TNS1: variants seen among roughly 807,000 people sequenced by gnomAD.
The protein encoded by TNS1 is tensin-1.
TNS1 carries 62 observed loss-of-function variants against 168.6 expected under a neutral mutation model. That is an observed-to-expected ratio of 0.37 (90% CI 0.30 to 0.45). The LOEUF is 0.45. Ranked by LOEUF, TNS1 falls within the 20% of genes least tolerant of loss-of-function variation. TNS1 has a pLI of 1.00. For missense variants in TNS1, 2,240 were observed against 2,339.4 expected (o/e 0.96, Z 0.88); for synonymous variants, 934 against 933.2 (o/e 1.00, Z -0.02).
intron 1 of TNS1, among the ~76,000 whole-genome samples, chr2:217,992,213 G>A (rs933005698): frequency 6.6e-6 from 1 of 152,126 alleles, no homozygotes; most frequent in Non-Finnish European, 1.5e-5. Context: ...TCCCTTCCCA[G>A]CTGTAGCAGG....
chr2:218,015,094 C>T (rs1382166509), upstream of TNS1, among the ~76,000 whole-genome samples: 1 of 152,178 alleles, frequency 6.6e-6, no homozygotes, highest in Non-Finnish European at 1.5e-5. Flanking sequence ...CACACACCCC[C>T]TGGTGAGAGC....
At chr2:217,869,952 C>T (rs1949631428) in intron 18 of TNS1, among the ~76,000 whole-genome samples, 1 of 152,194 alleles carries the variant, frequency 6.6e-6, no homozygotes, top group African/African-American at 2.4e-5. Context: ...CCTCCACCAC[C>T]TCCAACATCC....
chr2:218,001,447 A>G (rs1303253550), intron 1 of TNS1, among the ~76,000 whole-genome samples: 2 of 152,148 alleles, frequency 1.3e-5, no homozygotes, highest in Non-Finnish European at 2.9e-5. Flanking sequence ...CTCTCCAGTC[A>G]CAGCAGCTCG....
chr2:217,879,348 C>T (rs1950478570), intron 18 of TNS1: 1 of 411,746 alleles, frequency 2.4e-6, no homozygotes, highest in African/African-American at 2.1e-5. Context: ...AGCACAACGA[C>T]CAATTAGGCT....
chr2:217,915,768 G>A (rs1417829962), intron 4 of TNS1, among the ~76,000 whole-genome samples: 1 of 152,222 alleles, frequency 6.6e-6, no homozygotes, highest in Non-Finnish European at 1.5e-5. Flanking sequence ...GCCACTGCGA[G>A]CTGTGTGACC....
intron 32 of TNS1, 89 bp downstream of exon 32, chr2:217,807,986 C>A: frequency 6.7e-7 from 1 of 1,502,210 alleles, no homozygotes; most frequent in Non-Finnish European, 9.2e-7. Context: ...TCCCTACCCC[C>A]AGCCCTGGTT....
At chr2:217,833,692 G>T (rs1944780611) in intron 21 of TNS1, among the ~76,000 whole-genome samples, 1 of 152,248 alleles carries the variant, frequency 6.6e-6, no homozygotes, top group Non-Finnish European at 1.5e-5. Context: ...CAGCACAGCA[G>T]TCACGAGCCA....
chr2:217,805,274 A>T (rs1376202043), intron 32 of TNS1, among the ~76,000 whole-genome samples: 1 of 151,094 alleles, frequency 6.6e-6, no homozygotes, highest in Non-Finnish European at 1.5e-5. Context: ...GTCCCCTCCC[A>T]GCCAGCATGT....
chr2:217,890,657 C>T (rs902798850), intron 12 of TNS1: 2 of 439,336 alleles, frequency 4.6e-6, no homozygotes, highest in Non-Finnish European at 8.4e-6. Context: ...AAGAACAGCA[C>T]ATGCCTTCCT....
chr2:218,027,495 A>G (rs1464029732), intron 1 of TNS1, among the ~76,000 whole-genome samples: 1 of 151,926 alleles, frequency 6.6e-6, no homozygotes, highest in African/African-American at 2.4e-5. Context: ...TCCTGCTGAA[A>G]CTTTTAAGAA....
At chr2:218,021,237 G>A (rs1202989426) in intron 1 of TNS1, among the ~76,000 whole-genome samples, 11 of 152,184 alleles carry the variant, frequency 7.2e-5, no homozygotes, top group Admixed American at 7.2e-4. Context: ...GACCAGAGGG[G>A]AAACGGAGGC....
chr2:218,012,832 T>C (rs1432276031), upstream of TNS1, among the ~76,000 whole-genome samples: 3 of 152,198 alleles, frequency 2.0e-5, no homozygotes, highest in Non-Finnish European at 2.9e-5. Context: ...CAGGACCCCC[T>C]TTGCTTCTTC....
At chr2:217,873,035 G>T (rs778872767) in intron 18 of TNS1, among the ~76,000 whole-genome samples, 1 of 152,228 alleles carries the variant, frequency 6.6e-6, no homozygotes. Flanking sequence ...GGTGGCAGAA[G>T]TGGGAGTGGC....
chr2:217,907,761 C>T lies in TNS1; in HGVS notation c.229-510G>A, dbSNP rs532653630. 3.3e-5 allele frequency among the ~76,000 whole-genome samples: 5 copies of T among 152,334 alleles called. No homozygotes were observed. In the South Asian group the frequency reaches 1.0e-3, roughly 32 times the overall value. On this transcript the variant is annotated intron_variant, in intron 4 of 32. Transcript: ENST00000682258. Reference sequence around the variant, plus strand: ...ATAGTGCAGCCAGCCAGTCTCATTACTTCAGTGGGCTTTCAGGCCACCCAC... The same window carrying T: ...ATAGTGCAGCCAGCCAGTCTCATTATTTCAGTGGGCTTTCAGGCCACCCAC...
intron 3 of TNS1, among the ~76,000 whole-genome samples, chr2:217,936,598 C>A (rs1363996541): frequency 6.6e-6 from 1 of 152,136 alleles, no homozygotes. Context: ...GACTCCCCTG[C>A]CCAGTACAGC....
chr2:217,879,882 G>A (rs780536714), intron 18 of TNS1, among the ~76,000 whole-genome samples: 1 of 152,188 alleles, frequency 6.6e-6, no homozygotes, highest in Non-Finnish European at 1.5e-5. Flanking sequence ...GCCCCACCCA[G>A]GACTGGCTTC....
Position 217,808,677 on chromosome 2 carries a change from G to A in TNS1, c.5274-6C>T. 6.2e-7 allele frequency: 1 copy of A among 1,613,946 alleles called. No homozygotes were observed. The highest frequency in any genetic ancestry group is 8.5e-7 in the Non-Finnish European group (1 of 1,179,854). ...AGTGGCGTCTGAAAAAGAGCCTGCA[G>A]CACAGACATCAGATAAACAGAGAAT... On this transcript the variant is annotated splice_region_variant and splice_polypyrimidine_tract_variant and intron_variant, in intron 30 of 32. Coordinates refer to ENST00000682258, the MANE Select transcript of TNS1 (RefSeq NM_001387777.1).
chr2:217,899,424 C>T (rs926050480), intron 7 of TNS1, among the ~76,000 whole-genome samples: 1 of 152,164 alleles, frequency 6.6e-6, no homozygotes, highest in Non-Finnish European at 1.5e-5. Context: ...GACAAGAAGC[C>T]ACACGCACAC....
chr2:217,902,009 TG>T (rs1259338684), intron 6 of TNS1: 2 of 151,116 alleles, frequency 1.3e-5, no homozygotes, highest in African/African-American at 2.4e-5. Flanking sequence ...GTGGGGCTAC[TG>T]GGGGGAAGTT....
Sources: gnomAD v4.1 joint callset for allele counts (sites outside exome capture counted in the v4.1 genomes callset) on GRCh38, gnomAD v4.1.1 for gene constraint, MANE v1.5 for transcripts, NCBI Gene and HGNC (gene_info 2026-07-23, HGNC 2026-07-21) for gene names.